ANO2: variants seen among roughly 807,000 people sequenced by gnomAD.
ANO2 encodes anoctamin-2.
Under a neutral mutation model 124.2 loss-of-function variants are expected in ANO2, and 101 were observed. That is an observed-to-expected ratio of 0.81 (90% confidence interval 0.69 to 0.96). The LOEUF is 0.96. Among genes scored for constraint, ANO2 ranks in the 40% least tolerant of loss-of-function variants. The pLI, the probability that ANO2 is intolerant of heterozygous loss-of-function variation, is 0.00. For synonymous variants in ANO2, 486 were observed against 482.5 expected, an observed-to-expected ratio of 1.01 and a Z score of -0.09; for missense variants, 1,293 against 1,274.5, an observed-to-expected ratio of 1.01 and a Z score of -0.22.
intron 14 of ANO2, among the ~76,000 whole-genome samples, chr12:5,671,614 T>C (rs1220011819): frequency 1.3e-5 from 2 of 152,106 alleles, no homozygotes; most frequent in South Asian, 2.1e-4. Flanking sequence ...CCTAGGGACA[T>C]GCCCATCTGC....
intron 15 of ANO2, among the ~76,000 whole-genome samples, chr12:5,644,506 A>G (rs1030578766): frequency 7.2e-5 from 11 of 152,184 alleles, no homozygotes; most frequent in African/African-American, 2.7e-4. Context: ...CAATCTAAAG[A>G]CCTTAGAACA....
At chr12:5,620,672 T>C in intron 16 of ANO2, among the ~76,000 whole-genome samples, 1 of 151,746 alleles carries the variant, frequency 6.6e-6, no homozygotes, top group East Asian at 1.9e-4. Context: ...TCTATAGGAG[T>C]AGGAAAAGCC....
At chr12:5,785,503 T>C (rs186014556) in intron 10 of ANO2, among the ~76,000 whole-genome samples, 1 of 152,226 alleles carries the variant, frequency 6.6e-6, no homozygotes, top group Admixed American at 6.5e-5. Context: ...GAGCACCCCA[T>C]ATTAAATTCA....
Position 5,925,128 on chromosome 12 carries a change from A to G in ANO2, c.23-2324T>C, listed in dbSNP as rs1228801147. Among the ~76,000 whole-genome samples the G allele has an allele frequency of 1.3e-5, 2 of 152,168 alleles. No individual in the cohort carries two copies. The highest frequency in any genetic ancestry group is 1.9e-4 in the East Asian group (1 of 5,192). The stretch of plus-strand genomic sequence containing the variant: ...TCTAGATGCATGTCTAAAAAGCCCA[A>G]GACCACTGGATACATCACTGGGGAA... On this transcript the variant is annotated intron_variant, in intron 1 of 24. Coordinates refer to ENST00000682330, the MANE Select transcript of ANO2 (RefSeq NM_001364791.2). The surrounding 1 kb of genome is among the most constrained non-coding windows in gnomAD (Gnocchi z 4.6).
At chr12:5,906,367 AAAG>A (rs1433000958) in intron 3 of ANO2, among the ~76,000 whole-genome samples, 3 of 150,632 alleles carry the variant, frequency 2.0e-5, no homozygotes, top group African/African-American at 7.5e-5. Context: ...AAAAAAAGAA[AAAG>A]AAAAAAAGAG....
At chr12:5,701,713 T>C (rs1302747915) in intron 14 of ANO2, among the ~76,000 whole-genome samples, 1 of 152,224 alleles carries the variant, frequency 6.6e-6, no homozygotes, top group Non-Finnish European at 1.5e-5. Context: ...TTAAACTGCA[T>C]TGAAACGGGT....
intron 14 of ANO2, among the ~76,000 whole-genome samples, chr12:5,669,477 CA>C (rs1947886213): frequency 6.6e-6 from 1 of 152,130 alleles, no homozygotes; most frequent in Non-Finnish European, 1.5e-5. Context: ...AGGAGCATGT[CA>C]TCTGCAAAGA....
At chr12:5,733,442 G>A (rs147925699) in intron 13 of ANO2, among the ~76,000 whole-genome samples, 6 of 152,276 alleles carry the variant, frequency 3.9e-5, no homozygotes, top group African/African-American at 1.2e-4. Context: ...TCTTCCTTAC[G>A]GTTTCCAGCT....
chr12:5,576,674 C>T (rs1246059971), intron 22 of ANO2, among the ~76,000 whole-genome samples: 3 of 152,198 alleles, frequency 2.0e-5, no homozygotes, highest in African/African-American at 7.2e-5. Context: ...ATGGAGCAAA[C>T]CAAATGACAA....
chr12:5,876,392 T>G (rs1255236514), intron 3 of ANO2, among the ~76,000 whole-genome samples: 3 of 152,160 alleles, frequency 2.0e-5, no homozygotes, highest in Non-Finnish European at 4.4e-5. Context: ...GGAGTGTAAA[T>G]TAGTTCAACC....
chr12:5,652,421 ATT>A (rs1946957534), intron 14 of ANO2, among the ~76,000 whole-genome samples: 1 of 152,084 alleles, frequency 6.6e-6, no homozygotes, highest in Non-Finnish European at 1.5e-5. Flanking sequence ...CTTTATCCAT[ATT>A]TTCTTATAAA....
chr12:5,705,301 A>G (rs1370399170), intron 14 of ANO2, among the ~76,000 whole-genome samples: 1 of 151,572 alleles, frequency 6.6e-6, no homozygotes, highest in Middle Eastern at 3.2e-3. Context: ...AGAAGAAAAA[A>G]TTGAAAGAGA....
chr12:5,905,141 G>C (rs1033771181), intron 3 of ANO2, among the ~76,000 whole-genome samples: 2 of 152,142 alleles, frequency 1.3e-5, no homozygotes, highest in Admixed American at 6.5e-5. Context: ...GGGTTCCCAG[G>C]GGGGTGAGGC....
chr12:5,817,478 G>T (rs1953647183), intron 7 of ANO2, among the ~76,000 whole-genome samples: 1 of 152,188 alleles, frequency 6.6e-6, no homozygotes, highest in South Asian at 2.1e-4. Flanking sequence ...TGCCTTAGGA[G>T]TCTAAGCCAC....
At chr12:5,678,604 G>A (rs2136997529) in intron 14 of ANO2, among the ~76,000 whole-genome samples, 1 of 152,326 alleles carries the variant, frequency 6.6e-6, no homozygotes, top group Non-Finnish European at 1.5e-5. Flanking sequence ...ACTGAATGCT[G>A]TCTTCTGTGC....
At chr12:5,588,288 C>A (rs1044013463) in intron 20 of ANO2, among the ~76,000 whole-genome samples, 1 of 151,960 alleles carries the variant, frequency 6.6e-6, no homozygotes, top group South Asian at 2.1e-4. Flanking sequence ...CATTTTTGTT[C>A]GAAGTCCAAG....
chr12:5,806,460 G>A (rs974908965), intron 8 of ANO2, among the ~76,000 whole-genome samples: 4 of 152,208 alleles, frequency 2.6e-5, no homozygotes, highest in Admixed American at 2.6e-4. Flanking sequence ...ACTTAGCAGT[G>A]CATATGCCAC....
At chr12:5,856,653 A>G (rs1330368942) in intron 3 of ANO2, 4 of 152,230 alleles carry the variant, frequency 2.6e-5, no homozygotes, top group Non-Finnish European at 5.9e-5. Flanking sequence ...GGACACAGAC[A>G]TTTTAGACCT....
intron 16 of ANO2, among the ~76,000 whole-genome samples, chr12:5,619,429 G>A (rs115536297): frequency 0.011 from 1,657 of 152,330 alleles, 24 homozygotes; most frequent in African/African-American, 0.037. Flanking sequence ...AGACCCACAA[G>A]AGTCCTACTT....
Sources: allele counts gnomAD v4.1 joint callset (sites outside exome capture counted in the v4.1 genomes callset), GRCh38; gene constraint gnomAD v4.1.1; non-coding constraint Gnocchi (gnomAD v3.1); transcripts MANE v1.5; gene names NCBI Gene and HGNC (gene_info 2026-07-23, HGNC 2026-07-21).